CDH13: variants seen among roughly 807,000 people sequenced by gnomAD.
CDH13 encodes the protein cadherin-13.
A neutral mutation model predicts 63.8 loss-of-function variants in CDH13; 24 were observed. That is an observed-to-expected ratio of 0.38 (90% confidence interval 0.27 to 0.53). The LOEUF (loss-of-function observed/expected upper bound fraction) is 0.53. Ranked by LOEUF, CDH13 falls within the 20% of genes least tolerant of loss-of-function variation. The probability of loss-of-function intolerance (pLI) is 0.85; values close to 1 mark genes in which losing one functional copy is unlikely to be tolerated. For synonymous variants in CDH13, 503 were observed against 355.3 expected, an observed-to-expected ratio of 1.42 and a Z score of -4.67; for missense variants, 1,049 against 903.1, an observed-to-expected ratio of 1.16 and a Z score of -2.07.
chr16:82,669,989 T>G (rs183940827), intron 1 of CDH13, among the ~76,000 whole-genome samples: 1 of 152,216 alleles, frequency 6.6e-6, no homozygotes, highest in African/African-American at 2.4e-5. Flanking sequence ...GAAACCATTA[T>G]GCAGTTTTTA....
chr16:83,409,052 C>T (rs554125154), intron 6 of CDH13, among the ~76,000 whole-genome samples: 1 of 151,840 alleles, frequency 6.6e-6, no homozygotes, highest in Non-Finnish European at 1.5e-5. Context: ...GATGCTGAGG[C>T]AAGAAATCAA....
At chr16:83,377,355 C>A (rs1373551330) in intron 6 of CDH13, among the ~76,000 whole-genome samples, 1 of 152,146 alleles carries the variant, frequency 6.6e-6, no homozygotes, top group African/African-American at 2.4e-5. Context: ...TCCTAAAAAG[C>A]CTGGTCCATC....
chr16:83,784,633 A>G (rs1915758122), intron 13 of CDH13, among the ~76,000 whole-genome samples: 1 of 146,036 alleles, frequency 6.8e-6, no homozygotes, highest in Non-Finnish European at 1.5e-5. Flanking sequence ...CTCTGTCTCA[A>G]AAAAAAAAAA....
intron 10 of CDH13, among the ~76,000 whole-genome samples, chr16:83,744,471 A>T (rs914347932): frequency 6.6e-6 from 1 of 152,246 alleles, no homozygotes; most frequent in Admixed American, 6.5e-5. Context: ...TGAAAGGATC[A>T]TTGCAGCAGC....
chr16:82,805,771 T>G (rs1440036130), intron 1 of CDH13, among the ~76,000 whole-genome samples: 1 of 152,212 alleles, frequency 6.6e-6, no homozygotes, highest in East Asian at 1.9e-4. Context: ...CTTAAAGACA[T>G]GGCTTTGCCA....
chr16:82,814,260 G>A (rs2037593427), intron 1 of CDH13, among the ~76,000 whole-genome samples: 1 of 152,100 alleles, frequency 6.6e-6, no homozygotes, highest in Non-Finnish European at 1.5e-5. Flanking sequence ...AAATCCCTTG[G>A]TATTTCCTGG....
At chr16:83,665,778 C>G (rs964640849) in intron 8 of CDH13, among the ~76,000 whole-genome samples, 4 of 152,154 alleles carry the variant, frequency 2.6e-5, no homozygotes, top group Non-Finnish European at 5.9e-5. Context: ...CTGTGTCTTT[C>G]CAGCCTTCTG....
At chr16:83,235,775 G>A (rs139658745) in intron 5 of CDH13, among the ~76,000 whole-genome samples, 21 of 152,190 alleles carry the variant, frequency 1.4e-4, no homozygotes, top group South Asian at 4.2e-4. Flanking sequence ...ACTTAAGCAC[G>A]TTATATTTTA....
chr16:82,982,697 G>A (rs1910436914), intron 2 of CDH13, among the ~76,000 whole-genome samples: 1 of 152,178 alleles, frequency 6.6e-6, no homozygotes. Flanking sequence ...AGTAGTTGCA[G>A]GTCGTCTCCC....
At chr16:83,256,968 T>C (rs776664740) in intron 5 of CDH13, among the ~76,000 whole-genome samples, 2 of 152,014 alleles carry the variant, frequency 1.3e-5, no homozygotes, top group African/African-American at 2.4e-5. Flanking sequence ...GGGGCCTGCA[T>C]GCTGTGTGTT....
chr16:83,511,737 C>T (rs990378946), intron 7 of CDH13, among the ~76,000 whole-genome samples: 3 of 152,036 alleles, frequency 2.0e-5, no homozygotes, highest in Non-Finnish European at 4.4e-5. Flanking sequence ...AGAATGAAAT[C>T]GCAAAATAAA....
chr16:83,216,975 T>C (rs1254517074), intron 4 of CDH13, among the ~76,000 whole-genome samples: 3 of 152,148 alleles, frequency 2.0e-5, no homozygotes, highest in African/African-American at 7.2e-5. Context: ...AGCAAATGGC[T>C]TCCATTACCT....
intron 6 of CDH13, among the ~76,000 whole-genome samples, chr16:83,351,204 A>C (rs1030720471): frequency 1.3e-5 from 2 of 149,096 alleles, no homozygotes; most frequent in Non-Finnish European, 3.0e-5. Flanking sequence ...TCAGACTTTC[A>C]TGCTGTAGGT....
At chr16:83,722,863 A>C (rs929783028) in intron 10 of CDH13, among the ~76,000 whole-genome samples, 10 of 152,334 alleles carry the variant, frequency 6.6e-5, no homozygotes, top group African/African-American at 2.4e-4. Flanking sequence ...CCCAGTCTTT[A>C]TCAGCAGCCA....
chr16:82,881,419 A>C (rs1030672930), intron 2 of CDH13, among the ~76,000 whole-genome samples: 7 of 152,182 alleles, frequency 4.6e-5, no homozygotes, highest in Non-Finnish European at 8.8e-5. Context: ...AGGGACTCTG[A>C]AGCCAGGATG....
chr16:83,121,962 T>TCACACACACACACACACA (rs10665608), intron 3 of CDH13, among the ~76,000 whole-genome samples: 1 of 147,412 alleles, frequency 6.8e-6, no homozygotes, highest in African/African-American at 2.5e-5. Context: ...TTTAAAACTG[T>TCACACACACACACACACA]CACACACACA....
At chr16:83,275,601 G>C (rs1385959479) in intron 5 of CDH13, among the ~76,000 whole-genome samples, 2 of 152,102 alleles carry the variant, frequency 1.3e-5, no homozygotes, top group South Asian at 4.2e-4. Context: ...CTTAAGGAGG[G>C]GGCACCATTT....
At chr16:83,651,588 CTTTTTTTTT>C (rs35237670) in intron 8 of CDH13, among the ~76,000 whole-genome samples, 2 of 75,306 alleles carry the variant, frequency 2.7e-5, no homozygotes, top group South Asian at 5.6e-4. Context: ...TTATTTTCCT[CTTTTTTTTT>C]TTTTTTTTTT....
At chr16:83,621,412 C>T (rs747971047) in intron 8 of CDH13, among the ~76,000 whole-genome samples, 1 of 149,934 alleles carries the variant, frequency 6.7e-6, no homozygotes, top group African/African-American at 2.5e-5. Flanking sequence ...CCACCGTTTT[C>T]CACTCTGCTT....
Sources: allele counts gnomAD v4.1 joint callset (sites outside exome capture counted in the v4.1 genomes callset), GRCh38; gene constraint gnomAD v4.1.1; transcripts MANE v1.5; gene names NCBI Gene and HGNC (gene_info 2026-07-23, HGNC 2026-07-21).